The following ZFYVE9 variants were observed in gnomAD, a reference collection of about 807,000 sequenced individuals.
ZFYVE9 encodes zinc finger FYVE-type containing 9, also known as zinc finger FYVE domain-containing protein 9.
In ZFYVE9, 43 loss-of-function variants were observed where a neutral mutation model predicts 126.7. The observed-to-expected ratio is 0.34, with a 90% CI of 0.27 to 0.44. The LOEUF (loss-of-function observed/expected upper bound fraction) is 0.44. Ranked by LOEUF, ZFYVE9 falls within the 20% of genes least tolerant of loss-of-function variation. The pLI is 1.00. For missense variants in ZFYVE9, 1,476 were observed against 1,697.0 expected (o/e 0.87, Z 2.29); for synonymous variants, 521 against 597.4 (o/e 0.87, Z 1.87).
At chr1:52,284,119 A>G (rs958051013) in intron 10 of ZFYVE9, among the ~76,000 whole-genome samples, 2 of 152,172 alleles carry the variant, frequency 1.3e-5, no homozygotes, top group Non-Finnish European at 2.9e-5. Context: ...CACCATCTTG[A>G]TGAATAACAG....
chr1:52,208,502 CTT>C (rs113585987), intron 1 of ZFYVE9, among the ~76,000 whole-genome samples: 37 of 139,290 alleles, frequency 2.7e-4, no homozygotes, highest in African/African-American at 2.4e-4. Flanking sequence ...AATTGTTCTT[CTT>C]TTTTTTTTTT....
chr1:52,252,605 AC>A, intron 4 of ZFYVE9: 1 of 237,084 alleles, frequency 4.2e-6, no homozygotes, highest in South Asian at 4.2e-5. Context: ...TGATACGCCC[AC>A]CTTGGCCTCC....
chr1:52,300,046 G>T (rs894830349), intron 12 of ZFYVE9, among the ~76,000 whole-genome samples: 5 of 152,144 alleles, frequency 3.3e-5, no homozygotes, highest in Non-Finnish European at 7.4e-5. Flanking sequence ...GCCACTCCTT[G>T]CAGGGAGGCA....
Position 52,175,482 on chromosome 1 carries a change from C to G in ZFYVE9, c.-143+33079C>G, listed in dbSNP as rs528105078. On this transcript the variant is annotated intron_variant, in intron 1 of 18. Coordinates refer to ENST00000287727, the MANE Select transcript of ZFYVE9 (RefSeq NM_004799.4). ...TTTGGTGAATCTGACAATTATGTGT[C>G]TTGGAGTTGCTCTTCTCGAGGAGTA... Among the ~76,000 whole-genome samples, 568 of 150,650 alleles carry G rather than the reference C, an allele frequency of 3.8e-3. 2 individuals carry two copies. Among genetic ancestry groups the G allele is most frequent in the Non-Finnish European group, 4.3e-3 (291 of 67,700 alleles).
At chr1:52,290,006 A>T (rs1031720328) in intron 10 of ZFYVE9, among the ~76,000 whole-genome samples, 4 of 152,182 alleles carry the variant, frequency 2.6e-5, no homozygotes, top group Non-Finnish European at 5.9e-5. Flanking sequence ...TTTCACCTCT[A>T]AGCTATATTT....
chr1:52,266,854 C>G, intron 6 of ZFYVE9, 23 bp downstream of exon 6: 2 of 1,537,242 alleles, frequency 1.3e-6, no homozygotes, highest in Non-Finnish European at 1.7e-6. Context: ...GTGCTATTCT[C>G]TCTCTTTTTC....
At chr1:52,180,512 C>G (rs1041526516) in intron 1 of ZFYVE9, 45 of 770,620 alleles carry the variant, frequency 5.8e-5, no homozygotes, top group Non-Finnish European at 9.7e-5. Flanking sequence ...CAGTGCAATG[C>G]TCTGTCCCCA....
chr1:52,189,044 T>C (rs1644792121), intron 1 of ZFYVE9, among the ~76,000 whole-genome samples: 1 of 151,870 alleles, frequency 6.6e-6, no homozygotes, highest in South Asian at 2.1e-4. Flanking sequence ...TTCGAGTGAT[T>C]CTTCTGCCTC....
At chr1:52,263,311 C>T (rs544504213) in intron 4 of ZFYVE9, among the ~76,000 whole-genome samples, 2 of 152,214 alleles carry the variant, frequency 1.3e-5, no homozygotes, top group South Asian at 4.1e-4. Context: ...ACAGTGAAAA[C>T]AGCTGGTATA....
chr1:52,269,113 CATT>C (rs1457985207), intron 7 of ZFYVE9, among the ~76,000 whole-genome samples: 1 of 152,126 alleles, frequency 6.6e-6, no homozygotes, highest in Non-Finnish European at 1.5e-5. Flanking sequence ...CCCAAGTCCA[CATT>C]TTACATTAGG....
chr1:52,161,073 A>G (rs1644453406), intron 1 of ZFYVE9, among the ~76,000 whole-genome samples: 1 of 152,188 alleles, frequency 6.6e-6, no homozygotes, highest in African/African-American at 2.4e-5. Context: ...TTTATTTGAA[A>G]GGAGACTACT....
intron 4 of ZFYVE9, among the ~76,000 whole-genome samples, chr1:52,263,006 G>A (rs535433936): frequency 7.1e-4 from 108 of 151,220 alleles, no homozygotes; most frequent in African/African-American, 2.4e-3. Context: ...AACCCAGGAG[G>A]TGGAGGTTGC....
rs573323837 is a variant in ZFYVE9 at position 52,280,667 on chromosome 1, C to A, written c.2870-994C>A. On this transcript the variant is annotated intron_variant, in intron 9 of 18. Transcript: ENST00000287727. ...TCTGCTGTTCATACTCTCCATATAG[C>A]CTTAAAGTGAAGGAGTGGAACTAAG... 7.2e-5 allele frequency among the ~76,000 whole-genome samples: 11 copies of A among 152,146 alleles called. No individual in the cohort carries two copies. In the South Asian group the frequency reaches 2.3e-3, roughly 32 times the overall value.
At chr1:52,340,924 A>AC (rs917721568) in intron 17 of ZFYVE9, among the ~76,000 whole-genome samples, 10 of 145,894 alleles carry the variant, frequency 6.9e-5, no homozygotes, top group African/African-American at 2.8e-4. Context: ...AAAAAAAAAA[A>AC]AAAAAAAAAC....
chr1:52,171,455 A>G (rs1009727793), intron 1 of ZFYVE9, among the ~76,000 whole-genome samples: 44 of 152,214 alleles, frequency 2.9e-4, no homozygotes, highest in African/African-American at 1.1e-3. Flanking sequence ...TGCCGCAATA[A>G]ACATACGTGT....
At chr1:52,290,689 T>C (rs1035934419) in intron 10 of ZFYVE9, among the ~76,000 whole-genome samples, 2 of 152,170 alleles carry the variant, frequency 1.3e-5, no homozygotes, top group Non-Finnish European at 2.9e-5. Flanking sequence ...GATCCTGCAG[T>C]GGCTGCCAGA....
In ZFYVE9 at chr1:52,293,462, T is replaced by G; in HGVS notation, c.3035T>G (p.Val1012Gly). The G allele has an allele frequency of 1.2e-6, 2 of 1,612,302 alleles. No homozygotes were observed. Among genetic ancestry groups the G allele is most frequent in the Non-Finnish European group, 1.7e-6 (2 of 1,179,296 alleles). The change falls in exon 11 of 19, where the codon GTG (valine) becomes GGG (glycine). Residue 1012 changes from valine (V) to glycine (G), a missense_variant. By Grantham distance (109) the Val-to-Gly change is moderately radical. Transcript: ENST00000287727. ...LYRDALAGNVVSNLGHSFFSQ... is the reference protein window; with the variant it reads ...LYRDALAGNVGSNLGHSFFSQ... Reference sequence around the variant, plus strand: ...ACTTTTTTGTTTTTAGGGAATGTGGTGAGCAACTTGGGACATTCCTTCTTC... The same window carrying G: ...ACTTTTTTGTTTTTAGGGAATGTGGGGAGCAACTTGGGACATTCCTTCTTC...
At chr1:52,237,217 G>A (rs1260307839) in intron 3 of ZFYVE9, among the ~76,000 whole-genome samples, 3 of 151,932 alleles carry the variant, frequency 2.0e-5, no homozygotes, top group Non-Finnish European at 2.9e-5. Context: ...CCTCTTCTGG[G>A]TCCCATTCAC....
At chr1:52,205,569 C>T (rs74412449) in intron 1 of ZFYVE9, among the ~76,000 whole-genome samples, 3,272 of 150,108 alleles carry the variant, frequency 0.022, 57 homozygotes, top group Middle Eastern at 0.11. Flanking sequence ...GACTGGGTCT[C>T]GCTATGTTGC....
Sources: gnomAD v4.1 joint callset for allele counts (sites outside exome capture counted in the v4.1 genomes callset) on GRCh38, gnomAD v4.1.1 for gene constraint, MANE v1.5 for transcripts, NCBI Gene and HGNC (gene_info 2026-07-23, HGNC 2026-07-21) for gene names.